The following KCNIP1 variants were observed in gnomAD, a reference collection of about 807,000 sequenced individuals.
The protein encoded by KCNIP1 is A-type potassium channel modulatory protein KCNIP1.
KCNIP1 carries 18 observed loss-of-function variants against 33.0 expected under a neutral mutation model. That is an observed-to-expected ratio of 0.55 (90% CI 0.38 to 0.81). The LOEUF is 0.81. Among genes scored for constraint, KCNIP1 ranks in the 30% least tolerant of loss-of-function variants. KCNIP1 has a pLI of 0.00. For missense variants in KCNIP1, 238 were observed against 271.6 expected (o/e 0.88, Z 0.87); for synonymous variants, 93 against 98.3 (o/e 0.95, Z 0.32).
chr5:170,563,014 C>T (rs941638363), intron 1 of KCNIP1, among the ~76,000 whole-genome samples: 2 of 152,184 alleles, frequency 1.3e-5, no homozygotes, highest in African/African-American at 4.8e-5. Context: ...CATTTCTCCT[C>T]CTCACCTCCA....
At chr5:170,698,922 T>C (rs1762994237) in intron 1 of KCNIP1, among the ~76,000 whole-genome samples, 1 of 152,006 alleles carries the variant, frequency 6.6e-6, no homozygotes, top group South Asian at 2.1e-4. Flanking sequence ...TACATGAAGA[T>C]CTCCAAGCCG....
intron 1 of KCNIP1, among the ~76,000 whole-genome samples, chr5:170,445,426 G>A (rs1197396105): frequency 6.6e-6 from 1 of 152,276 alleles, no homozygotes; most frequent in Admixed American, 6.5e-5. Flanking sequence ...ATGGCTGCGA[G>A]TGAGAGGACT....
intron 1 of KCNIP1, among the ~76,000 whole-genome samples, chr5:170,695,071 TC>T (rs1417320397): frequency 6.6e-6 from 1 of 152,130 alleles, no homozygotes; most frequent in Admixed American, 6.5e-5. Flanking sequence ...CTCTCCAGCT[TC>T]CCCACTTCAC....
At chr5:170,383,660 C>T (rs747252623) in intron 1 of KCNIP1, 14 of 1,613,574 alleles carry the variant, frequency 8.7e-6, no homozygotes, top group African/African-American at 1.3e-5. Flanking sequence ...GATGTGTCCC[C>T]ATCCCTCCAG....
intron 1 of KCNIP1, among the ~76,000 whole-genome samples, chr5:170,558,794 A>G (rs773311469): frequency 5.9e-5 from 9 of 152,258 alleles, no homozygotes; most frequent in Non-Finnish European, 1.0e-4. Context: ...GCCGTGACAC[A>G]GAAATCTAAT....
At chr5:170,645,324 G>C (rs528935886) in intron 1 of KCNIP1, among the ~76,000 whole-genome samples, 2 of 152,290 alleles carry the variant, frequency 1.3e-5, no homozygotes, top group Admixed American at 6.5e-5. Flanking sequence ...AGTGAGAGTA[G>C]CTACATTGAT....
intron 1 of KCNIP1, among the ~76,000 whole-genome samples, chr5:170,470,648 AC>A (rs1756702345): frequency 6.6e-6 from 1 of 152,214 alleles, no homozygotes; most frequent in African/African-American, 2.4e-5. Context: ...ATAAATTAAT[AC>A]ATGGAGACTA....
At chr5:170,704,443 A>G in intron 1 of KCNIP1, among the ~76,000 whole-genome samples, 1 of 107,940 alleles carries the variant, frequency 9.3e-6, no homozygotes, top group Admixed American at 8.1e-5. Flanking sequence ...GAATAATATT[A>G]TGCATACCTC....
At chr5:170,476,902 A>G (rs1756868704) in intron 1 of KCNIP1, among the ~76,000 whole-genome samples, 1 of 152,246 alleles carries the variant, frequency 6.6e-6, no homozygotes, top group African/African-American at 2.4e-5. Context: ...GGGAATGTAC[A>G]TTATAAATGG....
intron 1 of KCNIP1, among the ~76,000 whole-genome samples, chr5:170,562,080 C>T (rs1757052041): frequency 6.6e-6 from 1 of 152,166 alleles, no homozygotes; most frequent in African/African-American, 2.4e-5. Context: ...ATCTGCGTTA[C>T]ATTTTTAAAG....
chr5:170,526,248 C>T (rs1429450814), intron 1 of KCNIP1, among the ~76,000 whole-genome samples: 2 of 152,192 alleles, frequency 1.3e-5, no homozygotes, highest in African/African-American at 2.4e-5. Flanking sequence ...AAGCAGTCAG[C>T]AGTGCTTAGA....
At chr5:170,360,791 GAATCACCTAGAGTGAGTGCCTC>G (rs1344053429) in intron 1 of KCNIP1, among the ~76,000 whole-genome samples, 1 of 152,232 alleles carries the variant, frequency 6.6e-6, no homozygotes, top group Admixed American at 6.5e-5. Context: ...CACCACGTGG[GAATCACCTAGAGTGAGTGCCTC>G]AAGCACCTGC....
chr5:170,383,794 TC>T (rs1452193375), intron 1 of KCNIP1: 6 of 1,614,160 alleles, frequency 3.7e-6, no homozygotes, highest in Non-Finnish European at 4.2e-6. Flanking sequence ...CTTCAGCTCC[TC>T]CTGGTCCCTG....
intron 1 of KCNIP1, among the ~76,000 whole-genome samples, chr5:170,479,464 T>C (rs1276929143): frequency 6.6e-6 from 1 of 152,236 alleles, no homozygotes; most frequent in African/African-American, 2.4e-5. Context: ...CTATCGATGC[T>C]TAATAACCCA....
chr5:170,727,482 T>C (rs1764050843), intron 5 of KCNIP1, among the ~76,000 whole-genome samples: 1 of 152,220 alleles, frequency 6.6e-6, no homozygotes, highest in African/African-American at 2.4e-5. Flanking sequence ...TTTGATTTAT[T>C]TGTTGAAAAA....
At chr5:170,733,986 AC>A (rs1484264804) in intron 7 of KCNIP1, 88 bp downstream of exon 7, 47 of 922,452 alleles carry the variant, frequency 5.1e-5, no homozygotes, top group Non-Finnish European at 8.1e-5. Flanking sequence ...GTGATGAGAA[AC>A]CTGCACATAC....
intron 1 of KCNIP1, among the ~76,000 whole-genome samples, chr5:170,448,259 T>C (rs1224630651): frequency 6.6e-6 from 1 of 152,242 alleles, no homozygotes; most frequent in East Asian, 1.9e-4. Context: ...ATGGAGCAGC[T>C]TCAGTTTTTG....
intron 1 of KCNIP1, among the ~76,000 whole-genome samples, chr5:170,362,271 C>T (rs976985069): frequency 6.6e-6 from 1 of 152,314 alleles, no homozygotes; most frequent in African/African-American, 2.4e-5. Context: ...GGCGGTCTGG[C>T]CCCAAGCCCT....
At chr5:170,524,590 C>T (rs1199115468) in intron 1 of KCNIP1, among the ~76,000 whole-genome samples, 1 of 152,154 alleles carries the variant, frequency 6.6e-6, no homozygotes, top group Non-Finnish European at 1.5e-5. Context: ...CAGAGCATGA[C>T]CAGTGCACAG....
Sources: gnomAD v4.1 joint callset for allele counts (sites outside exome capture counted in the v4.1 genomes callset) on GRCh38, gnomAD v4.1.1 for gene constraint, MANE v1.5 for transcripts, NCBI Gene and HGNC (gene_info 2026-07-23, HGNC 2026-07-21) for gene names.